Variants in PTPRD observed in about 807,000 individuals in gnomAD.
PTPRD encodes the protein protein tyrosine phosphatase receptor type D, also known as receptor-type tyrosine-protein phosphatase delta.
A neutral mutation model predicts 214.5 loss-of-function variants in PTPRD; 34 were observed. The observed-to-expected ratio is 0.16, with a 90% CI of 0.12 to 0.21. The LOEUF (loss-of-function observed/expected upper bound fraction) is 0.21. PTPRD is among the 10% of genes least tolerant of loss of function. PTPRD has a pLI of 1.00. For missense variants in PTPRD, 2,545 were observed against 2,398.7 expected, an observed-to-expected ratio of 1.06 and a Z score of -1.27; for synonymous variants, 1,128 against 845.7, an observed-to-expected ratio of 1.33 and a Z score of -5.79.
intron 7 of PTPRD, among the ~76,000 whole-genome samples, chr9:9,579,921 T>G (rs2090211911): frequency 6.6e-6 from 1 of 152,142 alleles, no homozygotes; most frequent in Admixed American, 6.6e-5. Flanking sequence ...AACATATTAT[T>G]TAGCTCCCAC....
intron 9 of PTPRD, among the ~76,000 whole-genome samples, chr9:9,358,570 C>G (rs562143823): frequency 6.6e-6 from 1 of 151,240 alleles, no homozygotes; most frequent in African/African-American, 2.4e-5. Context: ...AGTTGCAATC[C>G]TGAGTATGTA....
At chr9:8,635,967 A>C (rs1246559548) in intron 13 of PTPRD, among the ~76,000 whole-genome samples, 2 of 152,176 alleles carry the variant, frequency 1.3e-5, no homozygotes, top group East Asian at 3.8e-4. Flanking sequence ...TCTTCGCTGC[A>C]CTGAGCTCTC....
intron 3 of PTPRD, among the ~76,000 whole-genome samples, chr9:10,052,959 T>G (rs2097560922): frequency 6.6e-6 from 1 of 151,480 alleles, no homozygotes. Context: ...TTTCAATAAT[T>G]CTTTACATGT....
chr9:9,039,347 G>A (rs935818566), intron 10 of PTPRD, among the ~76,000 whole-genome samples: 2 of 152,142 alleles, frequency 1.3e-5, no homozygotes, highest in Non-Finnish European at 2.9e-5. Context: ...TTAGAACCCA[G>A]GTATGAAATC....
At chr9:10,080,856 A>G (rs1300917087) in intron 3 of PTPRD, among the ~76,000 whole-genome samples, 1 of 152,128 alleles carries the variant, frequency 6.6e-6, no homozygotes, top group Non-Finnish European at 1.5e-5. Flanking sequence ...ACATACAGTT[A>G]TTGGTATGAA....
chr9:9,684,243 C>T (rs769898387), intron 7 of PTPRD, among the ~76,000 whole-genome samples: 1 of 151,666 alleles, frequency 6.6e-6, no homozygotes, highest in Non-Finnish European at 1.5e-5. Flanking sequence ...TAATTTAAAA[C>T]TAAGCCTTTA....
chr9:9,681,687 C>A (rs1363207007), intron 7 of PTPRD, among the ~76,000 whole-genome samples: 1 of 151,714 alleles, frequency 6.6e-6, no homozygotes, highest in Admixed American at 6.6e-5. Context: ...TTAATCTGTT[C>A]CATGTTATCC....
chr9:9,708,107 C>T (rs4628308), intron 7 of PTPRD, among the ~76,000 whole-genome samples: 1 of 151,986 alleles, frequency 6.6e-6, no homozygotes, highest in Non-Finnish European at 1.5e-5. Flanking sequence ...AATAATGGTA[C>T]AGATTACTAC....
At chr9:9,746,695 GA>G (rs1303668885) in intron 6 of PTPRD, among the ~76,000 whole-genome samples, 4 of 152,000 alleles carry the variant, frequency 2.6e-5, no homozygotes, top group Non-Finnish European at 5.9e-5. Flanking sequence ...CAGTAAACAA[GA>G]ACCCAGCAGG....
chr9:9,624,136 C>T (rs369996093), intron 7 of PTPRD, among the ~76,000 whole-genome samples: 55 of 152,124 alleles, frequency 3.6e-4, no homozygotes, highest in African/African-American at 1.3e-3. Context: ...ATACTTATTC[C>T]GAGTAGTGGA....
At chr9:9,264,307 C>A (rs1028537957) in intron 9 of PTPRD, among the ~76,000 whole-genome samples, 2 of 151,362 alleles carry the variant, frequency 1.3e-5, no homozygotes, top group Non-Finnish European at 3.0e-5. Flanking sequence ...CTCAACAAGA[C>A]CGAAGTTTAA....
intron 7 of PTPRD, among the ~76,000 whole-genome samples, chr9:9,687,887 T>A (rs1166992594): frequency 6.6e-6 from 1 of 151,794 alleles, no homozygotes; most frequent in Non-Finnish European, 1.5e-5. Context: ...CCAACTCTTA[T>A]CTCGAATTGT....
chr9:10,535,823 C>T (rs1243866439), intron 2 of PTPRD, among the ~76,000 whole-genome samples: 1 of 152,022 alleles, frequency 6.6e-6, no homozygotes, highest in East Asian at 1.9e-4. Context: ...GTAGGTGAAT[C>T]CAGGCATATG....
At chr9:8,522,647 G>A (rs982743918) in intron 19 of PTPRD, among the ~76,000 whole-genome samples, 3 of 152,140 alleles carry the variant, frequency 2.0e-5, no homozygotes, top group African/African-American at 7.2e-5. Context: ...AGCAATTTCA[G>A]TTCAGTGTTC....
chr9:9,108,847 G>A (rs1287540366), intron 10 of PTPRD, among the ~76,000 whole-genome samples: 2 of 152,112 alleles, frequency 1.3e-5, no homozygotes, highest in African/African-American at 2.4e-5. Context: ...GTCTGGTCGG[G>A]GGAGCAATGG....
At chr9:9,478,615 CCTCT>C (rs1013880914) in intron 8 of PTPRD, among the ~76,000 whole-genome samples, 1 of 152,054 alleles carries the variant, frequency 6.6e-6, no homozygotes, top group Non-Finnish European at 1.5e-5. Context: ...CCTGCATCCC[CCTCT>C]CTCTCTATCC....
At chr9:9,048,530 T>C (rs933967910) in intron 10 of PTPRD, among the ~76,000 whole-genome samples, 4 of 152,308 alleles carry the variant, frequency 2.6e-5, no homozygotes, top group Middle Eastern at 3.4e-3. Flanking sequence ...GAGATTATTA[T>C]GATACATGAA....
At chr9:10,265,188 A>G (rs188456901) in intron 3 of PTPRD, among the ~76,000 whole-genome samples, 47 of 152,244 alleles carry the variant, frequency 3.1e-4, no homozygotes, top group Non-Finnish European at 5.1e-4. Context: ...ATATGATACA[A>G]TCAGAGGCTT....
intron 3 of PTPRD, among the ~76,000 whole-genome samples, chr9:10,286,632 C>T (rs1220064538): frequency 2.0e-5 from 3 of 152,000 alleles, no homozygotes; most frequent in Non-Finnish European, 4.4e-5. Context: ...GAGTATTGCA[C>T]TCTCTCCCGG....
Sources: gnomAD v4.1 joint callset for allele counts (sites outside exome capture counted in the v4.1 genomes callset) on GRCh38, gnomAD v4.1.1 for gene constraint, MANE v1.5 for transcripts, NCBI Gene and HGNC (gene_info 2026-07-23, HGNC 2026-07-21) for gene names.